The following PARD3B variants were observed in gnomAD, a reference collection of about 807,000 sequenced individuals.
PARD3B encodes par-3 family cell polarity regulator beta, also known as partitioning defective 3 homolog B.
Under a neutral mutation model 130.2 loss-of-function variants are expected in PARD3B, and 103 were observed. That is an observed-to-expected ratio of 0.79 (90% CI 0.67 to 0.93). The LOEUF is 0.93. PARD3B is among the 40% of genes least tolerant of loss of function. The pLI, the probability that PARD3B is intolerant of heterozygous loss-of-function variation, is 0.00. For synonymous variants in PARD3B, 583 were observed against 553.2 expected (o/e 1.05, Z -0.76); for missense variants, 1,609 against 1,499.2 (o/e 1.07, Z -1.21).
intron 2 of PARD3B, among the ~76,000 whole-genome samples, chr2:204,914,774 A>C (rs994064370): frequency 2.6e-5 from 4 of 152,196 alleles, no homozygotes; most frequent in Non-Finnish European, 4.4e-5. Context: ...ACAGTGGGGC[A>C]GGGAATGAAT....
At chr2:205,344,234 A>G (rs988033778) in intron 18 of PARD3B, among the ~76,000 whole-genome samples, 30 of 121,466 alleles carry the variant, frequency 2.5e-4, no homozygotes, top group African/African-American at 8.6e-4. Flanking sequence ...GTGTTGTAAC[A>G]CAGAGTACGC....
intron 2 of PARD3B, among the ~76,000 whole-genome samples, chr2:204,934,232 T>A (rs1346020294): frequency 1.3e-5 from 2 of 152,206 alleles, no homozygotes. Context: ...ATCATTTTAC[T>A]GCAAGATTTG....
rs764880900 is a variant in PARD3B at position 205,176,461 on chromosome 2, G to A, written c.1808G>A (p.Gly603Glu). 3.1e-6 allele frequency: 5 copies of A among 1,609,632 alleles called. No individual in the cohort carries two copies. Among genetic ancestry groups the A allele is most frequent in the Non-Finnish European group, 4.2e-6 (5 of 1,178,378 alleles). ...ERPMEDPAECGAFSKPCFENC... is the reference protein window; with the variant it reads ...ERPMEDPAECEAFSKPCFENC... The stretch of plus-strand genomic sequence containing the variant: ...ATCTCTTAGGATCCTGCAGAGTGTG[G>A]GGCATTTTCCAAGCCATGCTTTGAG... Residue 603 changes from glycine (G) to glutamate (E), a missense_variant, in exon 13 of 23, where the codon GGG becomes GAG. Gly to Glu is a moderately conservative substitution (Grantham distance 98, BLOSUM62 -2). Coordinates refer to ENST00000406610, the MANE Select transcript of PARD3B (RefSeq NM_001302769.2). The surrounding 1 kb of genome is among the most constrained non-coding windows in gnomAD (Gnocchi z 5.3).
intron 1 of PARD3B, among the ~76,000 whole-genome samples, chr2:204,586,950 C>T (rs1035972375): frequency 6.3e-4 from 96 of 152,194 alleles, no homozygotes; most frequent in African/African-American, 2.3e-3. Flanking sequence ...AGAAACATTG[C>T]CGTCCAGAAA....
At chr2:205,342,533 A>G (rs1164661217) in intron 18 of PARD3B, among the ~76,000 whole-genome samples, 1 of 152,186 alleles carries the variant, frequency 6.6e-6, no homozygotes, top group Non-Finnish European at 1.5e-5. Context: ...AGCTTAGACA[A>G]ATTACTAAAA....
chr2:204,808,659 G>T (rs1251849208), intron 2 of PARD3B, among the ~76,000 whole-genome samples: 1 of 152,066 alleles, frequency 6.6e-6, no homozygotes, highest in Non-Finnish European at 1.5e-5. Flanking sequence ...CAAAGGACAT[G>T]ATCTTGTTCT....
intron 22 of PARD3B, 46 bp downstream of exon 22, chr2:205,553,449 A>T: frequency 1.3e-6 from 2 of 1,560,314 alleles, no homozygotes; most frequent in Non-Finnish European, 1.8e-6. Context: ...CTACAAATGA[A>T]GTCTTTAGAG....
chr2:204,926,082 G>GA (rs1307150867), intron 2 of PARD3B, among the ~76,000 whole-genome samples: 2 of 151,926 alleles, frequency 1.3e-5, no homozygotes, highest in East Asian at 3.9e-4. Context: ...GTGTGAGAAC[G>GA]AACTAACACA....
intron 1 of PARD3B, among the ~76,000 whole-genome samples, chr2:204,593,330 G>A (rs540490055): frequency 6.6e-6 from 1 of 152,224 alleles, no homozygotes; most frequent in South Asian, 2.1e-4. Flanking sequence ...TAGAGTGGTG[G>A]GTAGGGGAGG....
In PARD3B at chr2:205,553,309, C is replaced by T. The variant is rs1160124150; in HGVS notation, c.3181-15C>T. 6.2e-7 allele frequency: 1 copy of T among 1,611,194 alleles called. No homozygotes were observed. On this transcript the variant is annotated splice_polypyrimidine_tract_variant and intron_variant, in intron 21 of 22. Coordinates refer to ENST00000406610, the MANE Select transcript of PARD3B (RefSeq NM_001302769.2). Reference sequence around the variant, plus strand: ...TATAATGGATCTTCATCTCTAATTGCTTTTCTCTCCACAGGTGCCTGGAAG... The same window carrying T: ...TATAATGGATCTTCATCTCTAATTGTTTTTCTCTCCACAGGTGCCTGGAAG...
intron 1 of PARD3B, among the ~76,000 whole-genome samples, chr2:204,596,909 A>G (rs534847181): frequency 1.5e-3 from 218 of 147,712 alleles, no homozygotes; most frequent in Non-Finnish European, 4.9e-4. Flanking sequence ...CAAGAGAGAA[A>G]CTCACTCACT....
intron 18 of PARD3B, among the ~76,000 whole-genome samples, chr2:205,378,887 C>T (rs1401814452): frequency 3.3e-5 from 5 of 151,884 alleles, no homozygotes; most frequent in Non-Finnish European, 7.4e-5. Flanking sequence ...GCCTCGGCCT[C>T]GCAAAGTGCT....
chr2:205,542,310 GTTTT>G (rs888386599), intron 21 of PARD3B, among the ~76,000 whole-genome samples: 1 of 150,504 alleles, frequency 6.6e-6, no homozygotes, highest in African/African-American at 2.4e-5. Context: ...AAGAGGCTGA[GTTTT>G]TTTTCTCTAG....
Position 205,407,463 on chromosome 2 carries a change from A to G in PARD3B, c.2741+6340A>G, listed in dbSNP as rs1247352268. ...ATTTTTCACACATTCAGATTATGTA[A>G]ATTAGCATCTTGAGCTGAAAGCAAG... On this transcript the variant is annotated intron_variant, in intron 19 of 22. Coordinates refer to ENST00000406610, the MANE Select transcript of PARD3B (RefSeq NM_001302769.2). This position sits in a 1 kb window ranked among gnomAD's most constrained non-coding sequence, Gnocchi z 4.1. Among the ~76,000 whole-genome samples the G allele has an allele frequency of 1.3e-5, 2 of 152,224 alleles. No homozygotes were observed. The highest frequency in any genetic ancestry group is 4.8e-5 in the African/African-American group (2 of 41,464).
chr2:204,663,514 C>T (rs2035904799), intron 1 of PARD3B, among the ~76,000 whole-genome samples: 1 of 152,136 alleles, frequency 6.6e-6, no homozygotes, highest in Admixed American at 6.6e-5. Flanking sequence ...TATTAGTTGG[C>T]TTGGATTTTA....
chr2:204,926,811 A>T (rs1023290438), intron 2 of PARD3B, among the ~76,000 whole-genome samples: 1 of 152,160 alleles, frequency 6.6e-6, no homozygotes, highest in Admixed American at 6.5e-5. Flanking sequence ...TTTTGAAATT[A>T]TAAGAATGGC....
At chr2:204,667,368 T>C (rs2036074056) in intron 1 of PARD3B, among the ~76,000 whole-genome samples, 1 of 152,112 alleles carries the variant, frequency 6.6e-6, no homozygotes, top group Non-Finnish European at 1.5e-5. Flanking sequence ...TTTTTTTACC[T>C]CAAATTCCTC....
intron 3 of PARD3B, among the ~76,000 whole-genome samples, chr2:205,038,346 C>T (rs1278859393): frequency 1.3e-5 from 2 of 151,934 alleles, no homozygotes; most frequent in East Asian, 3.9e-4. Flanking sequence ...GAGTGTATGC[C>T]TTTCAAAGAC....
intron 22 of PARD3B, among the ~76,000 whole-genome samples, chr2:205,611,865 T>C (rs756649445): frequency 6.6e-6 from 1 of 151,598 alleles, no homozygotes; most frequent in Non-Finnish European, 1.5e-5. Context: ...AAATGAAAGG[T>C]CTTAAAATAC....
Sources: gnomAD v4.1 joint callset for allele counts (sites outside exome capture counted in the v4.1 genomes callset) on GRCh38, gnomAD v4.1.1 for gene constraint, Gnocchi (gnomAD v3.1) non-coding constraint, MANE v1.5 for transcripts, NCBI Gene and HGNC (gene_info 2026-07-23, HGNC 2026-07-21) for gene names.